The following AGBL3 variants were observed in gnomAD, a reference collection of about 807,000 sequenced individuals.
AGBL3 encodes AGBL carboxypeptidase 3.
A neutral mutation model predicts 94.5 loss-of-function variants in AGBL3; 68 were observed. That is an observed-to-expected ratio of 0.72 (90% CI 0.59 to 0.88). AGBL3 has a LOEUF of 0.88. AGBL3 is among the 40% of genes least tolerant of loss of function. The pLI is 0.00. For missense variants in AGBL3, 934 were observed against 1,103.8 expected (o/e 0.85, Z 2.18); for synonymous variants, 354 against 370.7 (o/e 0.95, Z 0.52).
chr7:135,049,622 T>C (rs1008432388), intron 11 of AGBL3, among the ~76,000 whole-genome samples: 3 of 151,976 alleles, frequency 2.0e-5, no homozygotes, highest in African/African-American at 4.8e-5. Context: ...GACTTTCTAT[T>C]TATCCAAAAT....
At chr7:135,107,547 A>T (rs185041824) in intron 15 of AGBL3, among the ~76,000 whole-genome samples, 21 of 152,068 alleles carry the variant, frequency 1.4e-4, no homozygotes, top group African/African-American at 4.8e-4. Context: ...TTAAATCTTG[A>T]TTTCTATTTT....
Position 135,061,086 on chromosome 7 carries a change from C to A in AGBL3, c.1908+1851C>A, listed in dbSNP as rs139668202. On this transcript the variant is annotated intron_variant, in intron 12 of 16. Coordinates refer to ENST00000436302, the MANE Select transcript of AGBL3 (RefSeq NM_178563.4). The stretch of plus-strand genomic sequence containing the variant: ...CTTTTTTTTTTTTATAACAGCCACT[C>A]TAACAGGCATGAGGTAATATCCATA... Among the ~76,000 whole-genome samples the A allele has an allele frequency of 7.1e-3, 1,072 of 151,348 alleles. 15 individuals are homozygous for A. Among genetic ancestry groups the A allele is most frequent in the African/African-American group, 0.025 (1,022 of 41,260 alleles).
chr7:135,043,946 T>A (rs557669285), intron 8 of AGBL3, 79 bp from the exon 9 acceptor site: 1 of 1,474,392 alleles, frequency 6.8e-7, no homozygotes, highest in Non-Finnish European at 9.0e-7. Context: ...CATAACCACT[T>A]TATCATTTTT....
chr7:135,016,431 T>C (rs1281358453), intron 4 of AGBL3, among the ~76,000 whole-genome samples: 1 of 151,946 alleles, frequency 6.6e-6, no homozygotes, highest in Non-Finnish European at 1.5e-5. Context: ...AAATTCTTCG[T>C]TCATTAAAAA....
At chr7:135,080,630 G>T (rs899268461) in intron 14 of AGBL3, among the ~76,000 whole-genome samples, 1 of 151,842 alleles carries the variant, frequency 6.6e-6, no homozygotes, top group Non-Finnish European at 1.5e-5. Context: ...CTCTCATTTT[G>T]TAATTTAGTA....
At chr7:135,082,970 C>G (rs137999599) in intron 15 of AGBL3, among the ~76,000 whole-genome samples, 2 of 152,080 alleles carry the variant, frequency 1.3e-5, no homozygotes, top group African/African-American at 4.8e-5. Flanking sequence ...TAATTCCACA[C>G]TAAATGCTCT....
Position 134,993,534 on chromosome 7 carries a change from A to T in AGBL3, c.166A>T (p.Ile56Leu), listed in dbSNP as rs1257314161. 6.4e-7 allele frequency: 1 copy of T among 1,551,574 alleles called. No individual in the cohort carries two copies. The highest frequency in any genetic ancestry group is 1.2e-5 in the South Asian group (1 of 84,024). ...GDPFFPRTTQ[I>L]LLEYQLGRWV... ...TCCCTTCTTCCCCCGGACTACACAG[A>T]TACTATTAGAATATCAGCTAGGGAG... The change falls in exon 4 of 17, where the codon ATA (isoleucine) becomes TTA (leucine). Residue 56 changes from isoleucine to leucine, a missense_variant. Coordinates refer to ENST00000436302, the MANE Select transcript of AGBL3 (RefSeq NM_178563.4).
Position 135,032,732 on chromosome 7 carries a change from T to G in AGBL3, c.419-112T>G, listed in dbSNP as rs1563200822. 5.1e-6 allele frequency: 5 copies of G among 979,732 alleles called. No individual in the cohort carries two copies. The East Asian group carries it at 1.5e-4, about 30-fold the overall frequency. 60.7% of individuals were successfully genotyped at this position (979,732 alleles called of 1,614,324 possible). A position where few individuals can be genotyped will look rare whatever the true frequency, so the allele number is the denominator to read the frequency against. ...ATGTCTATATAAATTAGTGTCCAGT[T>G]ACTTTAAAATTTACAATCCTTACAC... is the stretch of plus-strand genomic sequence containing the variant. On this transcript the variant is annotated intron_variant, in intron 5 of 16. Coordinates refer to ENST00000436302, the MANE Select transcript of AGBL3 (RefSeq NM_178563.4).
intron 5 of AGBL3, among the ~76,000 whole-genome samples, chr7:135,026,869 T>C (rs1383936163): frequency 1.3e-5 from 2 of 151,656 alleles, no homozygotes; most frequent in Non-Finnish European, 2.9e-5. Context: ...GGTTTGGCTC[T>C]ATCTTATTAA....
chr7:135,027,308 A>T (rs1292780272), intron 5 of AGBL3, among the ~76,000 whole-genome samples: 2 of 151,728 alleles, frequency 1.3e-5, no homozygotes, highest in Non-Finnish European at 2.9e-5. Flanking sequence ...TTGGCCTTCC[A>T]AAGTGCTAGG....
chr7:135,066,902 T>G (rs561814607), intron 12 of AGBL3, among the ~76,000 whole-genome samples: 89 of 152,258 alleles, frequency 5.8e-4, no homozygotes, highest in African/African-American at 2.0e-3. Flanking sequence ...GGACAGTGGG[T>G]GCAGTGCACC....
At chr7:135,035,024 A>C in intron 7 of AGBL3, 96 bp downstream of exon 7, 5 of 1,117,882 alleles carry the variant, frequency 4.5e-6, no homozygotes, top group Non-Finnish European at 3.7e-6. Flanking sequence ...GTAACTTCTC[A>C]AGATAGTCTA....
intron 16 of AGBL3, among the ~76,000 whole-genome samples, chr7:135,120,507 T>C (rs1826988978): frequency 6.6e-6 from 1 of 152,086 alleles, no homozygotes; most frequent in African/African-American, 2.4e-5. Context: ...TCTTGAAAAA[T>C]GTTCACATTA....
At chr7:135,017,305 G>A (rs1216799300) in intron 5 of AGBL3, 146 bp downstream of exon 5, 1 of 635,240 alleles carries the variant, frequency 1.6e-6, no homozygotes, top group Non-Finnish European at 2.7e-6. Flanking sequence ...ATTGATCCAA[G>A]TGTTGATTTA....
intron 16 of AGBL3, among the ~76,000 whole-genome samples, chr7:135,122,618 C>T (rs144423077): frequency 4.6e-5 from 7 of 152,288 alleles, no homozygotes; most frequent in African/African-American, 1.4e-4. Context: ...ATACCCTATA[C>T]GTGAGCAATA....
chr7:135,094,964 G>A (rs1008975851), intron 15 of AGBL3, among the ~76,000 whole-genome samples: 4 of 152,176 alleles, frequency 2.6e-5, no homozygotes, highest in Admixed American at 2.0e-4. Context: ...GAGCACAGAT[G>A]TTTGCAAAGG....
intron 12 of AGBL3, among the ~76,000 whole-genome samples, chr7:135,062,790 C>T (rs1246185171): frequency 6.6e-6 from 1 of 152,018 alleles, no homozygotes; most frequent in Non-Finnish European, 1.5e-5. Context: ...ATTTTTGCAT[C>T]TATGCTTCTC....
chr7:135,083,231 C>A (rs937654241), intron 15 of AGBL3, among the ~76,000 whole-genome samples: 2 of 152,056 alleles, frequency 1.3e-5, no homozygotes, highest in African/African-American at 2.4e-5. Context: ...AGTCTCCCTG[C>A]CACCAATATT....
intron 11 of AGBL3, among the ~76,000 whole-genome samples, chr7:135,054,962 C>G (rs1818206612): frequency 6.6e-6 from 1 of 152,218 alleles, no homozygotes; most frequent in African/African-American, 2.4e-5. Flanking sequence ...GTAGCACCTG[C>G]TCAGCTTCTG....
Sources: allele counts gnomAD v4.1 joint callset (sites outside exome capture counted in the v4.1 genomes callset), GRCh38; gene constraint gnomAD v4.1.1; transcripts MANE v1.5; gene names NCBI Gene and HGNC (gene_info 2026-07-23, HGNC 2026-07-21).